Variants in PAX3 observed in about 807,000 individuals in gnomAD.
PAX3 encodes the protein paired box protein Pax-3.
A neutral mutation model predicts 51.6 loss-of-function variants in PAX3; 14 were observed. That is an observed-to-expected ratio of 0.27 (90% CI 0.18 to 0.42). The LOEUF (loss-of-function observed/expected upper bound fraction) is 0.42, where lower values mean the gene tolerates loss of function less well. PAX3 is among the 10% of genes least tolerant of loss of function. The pLI, the probability that PAX3 is intolerant of heterozygous loss-of-function variation, is 1.00. For synonymous variants in PAX3, 280 were observed against 253.4 expected, an observed-to-expected ratio of 1.11 and a Z score of -1.00; for missense variants, 540 against 642.8, an observed-to-expected ratio of 0.84 and a Z score of 1.73.
chr2:222,248,006 C>G (rs1323293992), intron 4 of PAX3, among the ~76,000 whole-genome samples: 1 of 152,078 alleles, frequency 6.6e-6, no homozygotes, highest in Non-Finnish European at 1.5e-5. Context: ...GTCAGAGCTT[C>G]AAAGATAATC....
At chr2:222,252,349 T>C (rs1209898057) in intron 4 of PAX3, among the ~76,000 whole-genome samples, 1 of 152,240 alleles carries the variant, frequency 6.6e-6, no homozygotes, top group Non-Finnish European at 1.5e-5. Flanking sequence ...GCCAAGCATC[T>C]TTACTTGCTT....
At chr2:222,249,784 T>C (rs1195571577) in intron 4 of PAX3, among the ~76,000 whole-genome samples, 1 of 152,180 alleles carries the variant, frequency 6.6e-6, no homozygotes, top group African/African-American at 2.4e-5. Flanking sequence ...TGAAAGACAC[T>C]TTCCTTCTAT....
At chr2:222,274,531 GT>G (rs72237949) in intron 4 of PAX3, among the ~76,000 whole-genome samples, 17,786 of 143,976 alleles carry the variant, frequency 0.12, 1,315 homozygotes, top group East Asian at 0.26. Flanking sequence ...GAAGTTTTTT[GT>G]TTTTTTTTTT....
At chr2:222,231,297 G>A (rs1361012216) in intron 5 of PAX3, among the ~76,000 whole-genome samples, 5 of 152,158 alleles carry the variant, frequency 3.3e-5, no homozygotes, top group South Asian at 2.1e-4. Context: ...TGAGGAGTTC[G>A]AGGATACCCT....
At chr2:222,280,519 C>A (rs1027630092) in intron 4 of PAX3, among the ~76,000 whole-genome samples, 3 of 152,140 alleles carry the variant, frequency 2.0e-5, no homozygotes, top group African/African-American at 7.2e-5. Context: ...CAAAGGTATG[C>A]CGGGAAATGA....
At chr2:222,248,918 A>C (rs553977804) in intron 4 of PAX3, among the ~76,000 whole-genome samples, 37 of 152,298 alleles carry the variant, frequency 2.4e-4, no homozygotes, top group Non-Finnish European at 4.6e-4. Flanking sequence ...GCATTATCCC[A>C]AAATAAGGAA....
At chr2:222,298,067 T>A in intron 1 of PAX3, 1 of 158,872 alleles carries the variant, frequency 6.3e-6, no homozygotes, top group Non-Finnish European at 1.4e-5. Context: ...AAAATTCCAA[T>A]CACAATGGCG....
At chr2:222,287,927 C>T (rs1376199518) in intron 4 of PAX3, among the ~76,000 whole-genome samples, 4 of 152,132 alleles carry the variant, frequency 2.6e-5, no homozygotes, top group East Asian at 1.9e-4. Context: ...GAAAGAGATT[C>T]GAAAACCCCA....
intron 4 of PAX3, among the ~76,000 whole-genome samples, chr2:222,274,263 T>C (rs534266730): frequency 7.0e-4 from 107 of 152,252 alleles, no homozygotes; most frequent in Admixed American, 4.8e-3. Flanking sequence ...TATATTTGTC[T>C]TCTTTTGTAG....
chr2:222,276,846 G>C (rs921549192), intron 4 of PAX3, among the ~76,000 whole-genome samples: 9 of 152,190 alleles, frequency 5.9e-5, no homozygotes, highest in African/African-American at 2.2e-4. Flanking sequence ...CCCCTAAGGG[G>C]CTCCCTACAA....
At chr2:222,282,832 A>G (rs1472925908) in intron 4 of PAX3, among the ~76,000 whole-genome samples, 1 of 152,248 alleles carries the variant, frequency 6.6e-6, no homozygotes, top group East Asian at 1.9e-4. Flanking sequence ...TGAAGAAGCA[A>G]TAGAATATTG....
At chr2:222,236,793 C>T (rs955257292) in intron 4 of PAX3, among the ~76,000 whole-genome samples, 1 of 152,094 alleles carries the variant, frequency 6.6e-6, no homozygotes, top group African/African-American at 2.4e-5. Flanking sequence ...ACTTAAGTTG[C>T]TCAATCATAT....
intron 5 of PAX3, among the ~76,000 whole-genome samples, chr2:222,223,369 A>T (rs1293139001): frequency 6.6e-6 from 1 of 152,226 alleles, no homozygotes; most frequent in African/African-American, 2.4e-5. Flanking sequence ...TACTTAACTT[A>T]ATAAATTGCC....
chr2:222,295,507 A>T, intron 3 of PAX3, 21 bp downstream of exon 3: 1 of 1,613,962 alleles, frequency 6.2e-7, no homozygotes, highest in South Asian at 1.1e-5. Context: ...CGCCTCGGGG[A>T]GAGGTTAATG....
At chr2:222,219,972 C>T (rs1692119563) in intron 7 of PAX3, among the ~76,000 whole-genome samples, 168 bp downstream of exon 7, 1 of 152,032 alleles carries the variant, frequency 6.6e-6, no homozygotes, top group African/African-American at 2.4e-5. Context: ...TTTGATGAAG[C>T]CAGTAGGAAG....
chr2:222,257,076 T>C (rs45517634), intron 4 of PAX3, among the ~76,000 whole-genome samples: 1,739 of 152,222 alleles, frequency 0.011, 36 homozygotes, highest in African/African-American at 0.038. Context: ...TAAGGAAAAA[T>C]AGTAGTTGGG....
intron 6 of PAX3, among the ~76,000 whole-genome samples, chr2:222,220,555 A>G (rs1692155067): frequency 6.6e-6 from 1 of 152,200 alleles, no homozygotes; most frequent in South Asian, 2.1e-4. Flanking sequence ...ACATACTTGT[A>G]AGTAACATAT....
intron 7 of PAX3, among the ~76,000 whole-genome samples, chr2:222,218,766 ATGT>A (rs776682985): frequency 1.3e-5 from 2 of 152,254 alleles, no homozygotes; most frequent in South Asian, 2.1e-4. Flanking sequence ...CATTGTTTTC[ATGT>A]TGTTATTTTT....
chr2:222,231,538 G>A (rs1046617077), intron 5 of PAX3, among the ~76,000 whole-genome samples: 2 of 152,146 alleles, frequency 1.3e-5, no homozygotes, highest in Admixed American at 1.3e-4. Context: ...GGAATTTCAT[G>A]TTATGCACCT....
Sources: allele counts gnomAD v4.1 joint callset (sites outside exome capture counted in the v4.1 genomes callset), GRCh38; gene constraint gnomAD v4.1.1; transcripts MANE v1.5; gene names NCBI Gene and HGNC (gene_info 2026-07-23, HGNC 2026-07-21).